FOCAD: variants seen among roughly 807,000 people sequenced by gnomAD.
FOCAD encodes the protein KIAA1797.
FOCAD carries 198 observed loss-of-function variants against 225.6 expected under a neutral mutation model. The observed-to-expected ratio is 0.88, with a 90% CI of 0.78 to 0.99. FOCAD has a LOEUF of 0.99. Among genes scored for constraint, FOCAD ranks in the 50% least tolerant of loss-of-function variants. The pLI is 0.00. For missense variants in FOCAD, 2,713 were observed against 2,123.6 expected, an observed-to-expected ratio of 1.28 and a Z score of -5.46; for synonymous variants, 897 against 755.0, an observed-to-expected ratio of 1.19 and a Z score of -3.08.
chr9:20,662,848 T>C (rs1345675165), intron 2 of FOCAD, among the ~76,000 whole-genome samples: 1 of 152,228 alleles, frequency 6.6e-6, no homozygotes, highest in Non-Finnish European at 1.5e-5. Flanking sequence ...TCTAAAGATT[T>C]AGTTTTCAAT....
At chr9:20,916,718 G>A (rs550743788) in intron 23 of FOCAD, among the ~76,000 whole-genome samples, 175 bp from the exon 24 acceptor site, 44 of 152,278 alleles carry the variant, frequency 2.9e-4, no homozygotes, top group African/African-American at 1.1e-3. Flanking sequence ...GGAAGATGAA[G>A]CTATCTGTAA....
chr9:20,922,290 C>T (rs1834510685), intron 24 of FOCAD, among the ~76,000 whole-genome samples: 1 of 152,170 alleles, frequency 6.6e-6, no homozygotes, highest in South Asian at 2.1e-4. Flanking sequence ...CCATTATAAA[C>T]GTTGATGTCT....
At chr9:20,886,221 T>G (rs904802703) in intron 21 of FOCAD, among the ~76,000 whole-genome samples, 3 of 152,282 alleles carry the variant, frequency 2.0e-5, no homozygotes, top group African/African-American at 7.2e-5. Flanking sequence ...AGAAGCTTTT[T>G]TTTTGCCTAA....
intron 30 of FOCAD, among the ~76,000 whole-genome samples, chr9:20,947,161 G>A (rs183156139): frequency 3.9e-5 from 6 of 152,162 alleles, no homozygotes; most frequent in South Asian, 4.1e-4. Context: ...AATTTGTGAC[G>A]ATATGAATAC....
At chr9:20,735,491 C>T (rs1056740243) in intron 4 of FOCAD, among the ~76,000 whole-genome samples, 1 of 149,836 alleles carries the variant, frequency 6.7e-6, no homozygotes, top group Admixed American at 6.7e-5. Context: ...CTTCCGCCTC[C>T]CCTCCCCTCC....
chr9:20,855,754 C>A (rs1477474774), intron 15 of FOCAD, among the ~76,000 whole-genome samples: 3 of 150,666 alleles, frequency 2.0e-5, no homozygotes, highest in Non-Finnish European at 4.4e-5. Flanking sequence ...TCCTTGCCAC[C>A]CTTTGCAGCC....
chr9:20,698,861 G>T (rs939135776), intron 1 of FOCAD, among the ~76,000 whole-genome samples: 3 of 152,122 alleles, frequency 2.0e-5, no homozygotes, highest in African/African-American at 7.2e-5. Context: ...CAAAAAGTGT[G>T]CTTGATTTTA....
intron 4 of FOCAD, among the ~76,000 whole-genome samples, chr9:20,731,007 G>A (rs1467068244): frequency 2.0e-5 from 3 of 152,068 alleles, no homozygotes; most frequent in South Asian, 2.1e-4. Context: ...AGGCTGAGGC[G>A]GGCAGATCAC....
At chr9:20,697,199 C>G (rs1448998362) in intron 1 of FOCAD, among the ~76,000 whole-genome samples, 3 of 152,184 alleles carry the variant, frequency 2.0e-5, no homozygotes, top group Non-Finnish European at 2.9e-5. Context: ...CTGCTGTTAT[C>G]CTTGTCCAAA....
At position 20,888,248 on chromosome 9, in the gene FOCAD, C is replaced by G. The variant is rs1473804890; in HGVS notation, c.2625+3018C>G. Among the ~76,000 whole-genome samples, 52 of 150,488 alleles carry G rather than the reference C, an allele frequency of 3.5e-4. 1 individual carries two copies. The highest frequency in any genetic ancestry group is 7.4e-5 in the Non-Finnish European group (5 of 67,790). On this transcript the variant is annotated intron_variant, in intron 21 of 43. Transcript: ENST00000338382. ...CCGCCTCCTGGGCTCAAGCGATTCT[C>G]CCACCTCAGTCTCCTAAATAGCTGG...
intron 15 of FOCAD, among the ~76,000 whole-genome samples, chr9:20,854,495 C>CTGGATTTCTGACTTT (rs1349469854): frequency 2.6e-5 from 4 of 151,794 alleles, no homozygotes; most frequent in South Asian, 4.1e-4. Flanking sequence ...ACACAGCTAC[C>CTGGATTTCTGACTTT]AAATCAGAGA....
intron 4 of FOCAD, among the ~76,000 whole-genome samples, chr9:20,734,039 C>A (rs558476229): frequency 3.3e-5 from 5 of 152,210 alleles, no homozygotes; most frequent in Admixed American, 6.5e-5. Flanking sequence ...CAAAAAAAGT[C>A]TTTTTCGCAC....
intron 30 of FOCAD, among the ~76,000 whole-genome samples, chr9:20,947,836 C>G (rs887033734): frequency 1.3e-5 from 2 of 151,938 alleles, no homozygotes; most frequent in African/African-American, 4.8e-5. Context: ...GGTTATATAC[C>G]CGCTCACTTA....
At chr9:20,989,924 C>G (rs1009091965) in intron 41 of FOCAD, among the ~76,000 whole-genome samples, 199 bp from the exon 42 acceptor site, 3 of 152,134 alleles carry the variant, frequency 2.0e-5, no homozygotes, top group Non-Finnish European at 4.4e-5. Context: ...TCTAAAGCCC[C>G]AAAATGTATC....
chr9:20,988,471 G>C (rs767348413), intron 41 of FOCAD, 42 bp downstream of exon 41: 1 of 1,068,820 alleles, frequency 9.4e-7, no homozygotes, highest in Non-Finnish European at 1.3e-6. Flanking sequence ...TTAAAATACA[G>C]AACTTATATT....
At chr9:20,674,443 T>G (rs1822168721) in intron 2 of FOCAD, among the ~76,000 whole-genome samples, 1 of 152,200 alleles carries the variant, frequency 6.6e-6, no homozygotes. Context: ...GAGCTGCTAA[T>G]TAAACATCTG....
In FOCAD at chr9:20,948,413, T is replaced by C; in HGVS notation, c.3798+20T>C. The C allele has an allele frequency of 6.2e-7, 1 of 1,601,788 alleles. No individual in the cohort carries two copies. Among genetic ancestry groups the C allele is most frequent in the Non-Finnish European group, 8.5e-7 (1 of 1,174,700 alleles). On this transcript the variant is annotated intron_variant, in intron 31 of 43. Coordinates refer to ENST00000338382, the MANE Select transcript of FOCAD (RefSeq NM_001375567.1). Reference sequence around the variant, plus strand: ...ACAGAGGTAGAGGTCACCTGTTGTATGCTATTTCATATTTTTATAATGGAA... The same window carrying C: ...ACAGAGGTAGAGGTCACCTGTTGTACGCTATTTCATATTTTTATAATGGAA...
chr9:20,950,888 A>T, intron 33 of FOCAD, 108 bp from the exon 34 acceptor site: 1 of 889,604 alleles, frequency 1.1e-6, no homozygotes, highest in Non-Finnish European at 1.9e-6. Flanking sequence ...GCTCGTTGCC[A>T]GCCAAGCCAC....
intron 1 of FOCAD, among the ~76,000 whole-genome samples, chr9:20,689,972 C>G (rs998269862): frequency 2.6e-5 from 4 of 152,168 alleles, no homozygotes; most frequent in Non-Finnish European, 5.9e-5. Flanking sequence ...TTTTCCTGGT[C>G]TTTGAATTCC....
Sources: gnomAD v4.1 joint callset for allele counts (sites outside exome capture counted in the v4.1 genomes callset) on GRCh38, gnomAD v4.1.1 for gene constraint, MANE v1.5 for transcripts, NCBI Gene and HGNC (gene_info 2026-07-23, HGNC 2026-07-21) for gene names.